Variants in DENND3 observed in about 807,000 individuals in gnomAD.
DENND3 encodes DENN domain-containing protein 3.
In DENND3, 88 loss-of-function variants were observed where a neutral mutation model predicts 135.1. That is an observed-to-expected ratio of 0.65 (90% CI 0.55 to 0.78). The LOEUF is 0.78. Among genes scored for constraint, DENND3 ranks in the 30% least tolerant of loss-of-function variants. DENND3 has a pLI of 0.00. For synonymous variants in DENND3, 693 were observed against 712.3 expected (o/e 0.97, Z 0.43); for missense variants, 1,392 against 1,688.4 (o/e 0.82, Z 3.08).
At chr8:141,129,399 T>G (rs1475056284) in intron 1 of DENND3, among the ~76,000 whole-genome samples, 1 of 152,158 alleles carries the variant, frequency 6.6e-6, no homozygotes, top group Non-Finnish European at 1.5e-5. Flanking sequence ...TATAGCTATT[T>G]TTCTCCCTTG....
At chr8:141,185,077 G>C in intron 17 of DENND3, 62 bp from the exon 18 acceptor site, 1 of 1,564,930 alleles carries the variant, frequency 6.4e-7, no homozygotes. Flanking sequence ...AAGGGCACCA[G>C]TCACCTGCTG....
intron 15 of DENND3, 77 bp from the exon 16 acceptor site, chr8:141,177,990 G>A: frequency 6.6e-7 from 1 of 1,515,420 alleles, no homozygotes; most frequent in East Asian, 2.3e-5. Context: ...GGATTGTCCT[G>A]TGTGTTGCAA....
At position 141,160,616 on chromosome 8, in the gene DENND3, G is replaced by A. The variant is rs779873567; in HGVS notation, c.1197-16G>A. On this transcript the variant is annotated splice_polypyrimidine_tract_variant and intron_variant, in intron 8 of 22. Coordinates refer to ENST00000519811, the MANE Select transcript of DENND3 (RefSeq NM_001352890.3). ...TGCTGCTGGGGCTGAGCTAGCTTCG[G>A]TCTGCCTCCTTCCAGGGTGCAGAGC... is the stretch of plus-strand genomic sequence containing the variant. 3.2e-6 allele frequency: 5 copies of A among 1,586,138 alleles called. No individual in the cohort carries two copies. Among genetic ancestry groups the A allele is most frequent in the Non-Finnish European group, 4.3e-6 (5 of 1,159,918 alleles).
rs969939778 is a variant in DENND3, at chr8:141,130,363, C to A, written c.102+1554C>A. 2.0e-5 allele frequency among the ~76,000 whole-genome samples: 3 copies of A among 152,114 alleles called. No homozygotes were observed. The highest frequency in any genetic ancestry group is 6.5e-5 in the Admixed American group (1 of 15,278). ...GGGATTACAGGCGTGAGCCACTGCG[C>A]CTGGCCAGTGGTGCATTCCTGAACT... On this transcript the variant is annotated intron_variant, in intron 1 of 22. Transcript: ENST00000519811. The surrounding 1 kb of genome is among the most constrained non-coding windows in gnomAD (Gnocchi z 4.2).
chr8:141,172,547 G>A (rs997973374), intron 13 of DENND3, among the ~76,000 whole-genome samples: 2 of 152,220 alleles, frequency 1.3e-5, no homozygotes, highest in African/African-American at 4.8e-5. Context: ...GGACCAGGCA[G>A]CAAGAAGATT....
chr8:141,165,336 G>A, intron 11 of DENND3, 47 bp downstream of exon 11: 3 of 1,473,090 alleles, frequency 2.0e-6, no homozygotes, highest in Non-Finnish European at 2.9e-6. Flanking sequence ...AGGAATCACA[G>A]TGTTCAAGGA....
intron 15 of DENND3, 40 bp downstream of exon 15, chr8:141,176,801 C>T (rs373871363): frequency 4.2e-4 from 677 of 1,598,006 alleles, no homozygotes; most frequent in Non-Finnish European, 5.5e-4. Context: ...GCTGTGGCTG[C>T]CTCAGGGGCC....
At chr8:141,157,248 A>G in intron 8 of DENND3, 1 of 958,844 alleles carries the variant, frequency 1.0e-6, no homozygotes, top group Non-Finnish European at 1.2e-6. Flanking sequence ...AAGGCTTGGC[A>G]GGGACTTTGG....
rs188015767 is a variant in DENND3, at chr8:141,162,701, C to T, written c.1353-632C>T. On this transcript the variant is annotated intron_variant, in intron 9 of 22. Transcript: ENST00000519811. ...CTGTAATCCCAGCACTTTGGGAGGC[C>T]GAGGTGGGTGGATCACCTGAGGGCC... Among the ~76,000 whole-genome samples the T allele has an allele frequency of 1.1e-3, 167 of 152,046 alleles. 1 individual carries two copies. In the East Asian group the frequency reaches 0.016, roughly 15 times the overall value.
At chr8:141,193,260 A>C (rs1396652347) in intron 22 of DENND3, 1 of 158,030 alleles carries the variant, frequency 6.3e-6, no homozygotes, top group Non-Finnish European at 1.4e-5. Flanking sequence ...AACCCATTAC[A>C]GTCTGCCCTC....
intron 22 of DENND3, chr8:141,193,543 G>A: frequency 1.2e-5 from 2 of 166,394 alleles, no homozygotes; most frequent in Non-Finnish European, 1.3e-5. Flanking sequence ...CGAAAAGGGA[G>A]AAATTGGAAG....
chr8:141,150,436 A>G (rs1818663109), intron 5 of DENND3: 1 of 679,448 alleles, frequency 1.5e-6, no homozygotes, highest in African/African-American at 1.9e-5. Context: ...AAAGCTATTA[A>G]AAGAGAGTTC....
At chr8:141,129,164 C>T (rs1385607040) in intron 1 of DENND3, among the ~76,000 whole-genome samples, 9 of 152,244 alleles carry the variant, frequency 5.9e-5, no homozygotes, top group Non-Finnish European at 1.3e-4. Context: ...CCATCTTGGG[C>T]AGGTGCTTCT....
Position 141,194,552 on chromosome 8 carries a change from G to A in DENND3, c.*319G>A. On this transcript the variant is annotated 3_prime_UTR_variant, in exon 23 of 23. Coordinates refer to ENST00000519811, the MANE Select transcript of DENND3 (RefSeq NM_001352890.3). ...AAAGTTCTGGAATCCACAACCAGGG[G>A]CTGGCACTGGAGCCAGCAGCTTGGC... The A allele has an allele frequency of 2.9e-6, 1 of 349,600 alleles. No homozygotes were observed. The highest frequency in any genetic ancestry group is 3.3e-5 in the South Asian group (1 of 30,246). The allele number at this position is 349,600 out of a possible 1,614,324, so 21.7% of individuals were successfully genotyped here.
intron 15 of DENND3, 95 bp from the exon 16 acceptor site, chr8:141,177,972 T>C (rs1290067745): frequency 4.9e-6 from 7 of 1,435,006 alleles, no homozygotes; most frequent in East Asian, 2.4e-5. Context: ...GAAAAAGGCA[T>C]TTTGGAAGGA....
chr8:141,178,229 G>T (rs200997308), intron 16 of DENND3, 33 bp downstream of exon 16: 20 of 1,588,132 alleles, frequency 1.3e-5, no homozygotes, highest in Non-Finnish European at 1.4e-5. Context: ...GTGGATCATT[G>T]TCCTGATTAC....
chr8:141,164,120 T>C (rs890351965), intron 10 of DENND3, among the ~76,000 whole-genome samples: 5 of 151,902 alleles, frequency 3.3e-5, no homozygotes, highest in Non-Finnish European at 7.4e-5. Context: ...CATCTCAGAG[T>C]CTTGCGCTGT....
At chr8:141,156,754 G>A (rs536993016) in intron 8 of DENND3, among the ~76,000 whole-genome samples, 15 of 150,990 alleles carry the variant, frequency 9.9e-5, no homozygotes, top group Non-Finnish European at 1.9e-4. Context: ...TTTCACTCCC[G>A]CCACTGTATT....
In DENND3 at chr8:141,174,137, C is replaced by T. The variant is rs1822015896; in HGVS notation, c.2276-1063C>T. On this transcript the variant is annotated intron_variant, in intron 13 of 22. Coordinates refer to ENST00000519811, the MANE Select transcript of DENND3 (RefSeq NM_001352890.3). The surrounding 1 kb of genome is among the most constrained non-coding windows in gnomAD (Gnocchi z 4.6). ...GTGTGTGTGCGTGTAACAACACGAC[C>T]TGTTTGGGAGCATGCTTGGTACGGC... Among the ~76,000 whole-genome samples, 1 of 151,968 alleles carries T rather than the reference C, an allele frequency of 6.6e-6. No homozygotes were observed. Among genetic ancestry groups the T allele is most frequent in the African/African-American group, 2.4e-5 (1 of 41,356 alleles).
Sources: allele counts gnomAD v4.1 joint callset (sites outside exome capture counted in the v4.1 genomes callset), GRCh38; gene constraint gnomAD v4.1.1; non-coding constraint Gnocchi (gnomAD v3.1); transcripts MANE v1.5; gene names NCBI Gene and HGNC (gene_info 2026-07-23, HGNC 2026-07-21).